Variants in EML4 observed in about 807,000 individuals in gnomAD.
EML4 encodes EMAP like 4.
In EML4, 72 loss-of-function variants were observed where a neutral mutation model predicts 129.0. The ratio of observed to expected loss-of-function variants is 0.56; its 90% CI spans 0.46 to 0.68. The LOEUF (loss-of-function observed/expected upper bound fraction) is 0.68, where lower values mean the gene tolerates loss of function less well. EML4 is among the 30% of genes least tolerant of loss of function. The pLI is 0.00. For synonymous variants in EML4, 532 were observed against 405.0 expected (o/e 1.31, Z -3.77); for missense variants, 1,363 against 1,190.6 (o/e 1.14, Z -2.13).
chr2:42,258,755 C>G (rs907072476), intron 3 of EML4, among the ~76,000 whole-genome samples: 18 of 152,112 alleles, frequency 1.2e-4, no homozygotes, highest in African/African-American at 4.3e-4. Flanking sequence ...AGTAGATAGT[C>G]AAGGGCCAGT....
At chr2:42,228,437 T>C (rs190304876) in intron 1 of EML4, among the ~76,000 whole-genome samples, 1 of 152,340 alleles carries the variant, frequency 6.6e-6, no homozygotes, top group Non-Finnish European at 1.5e-5. Context: ...CCTTCTTTTT[T>C]ATTTGAAATA....
At chr2:42,304,402 G>A (rs748561611) in intron 16 of EML4, 82 bp from the exon 17 acceptor site, 9 of 941,512 alleles carry the variant, frequency 9.6e-6, no homozygotes, top group Non-Finnish European at 1.6e-5. Context: ...AATGAAACAG[G>A]TTATTTTCAG....
intron 1 of EML4, among the ~76,000 whole-genome samples, chr2:42,185,368 C>T (rs533532152): frequency 6.6e-6 from 1 of 152,298 alleles, no homozygotes; most frequent in South Asian, 2.1e-4. Flanking sequence ...TTGTCTGTAA[C>T]TGCTGTCACA....
intron 5 of EML4, among the ~76,000 whole-genome samples, chr2:42,263,605 A>G (rs1209666393): frequency 6.6e-6 from 1 of 150,610 alleles, no homozygotes; most frequent in African/African-American, 2.4e-5. Flanking sequence ...GGGTTTCACC[A>G]TGTTGGCCAG....
At chr2:42,253,824 T>G (rs141217243) in intron 2 of EML4, among the ~76,000 whole-genome samples, 1 of 152,186 alleles carries the variant, frequency 6.6e-6, no homozygotes, top group African/African-American at 2.4e-5. Flanking sequence ...CTAAAACTTA[T>G]GTAAGAAAGA....
chr2:42,225,274 G>T (rs1308649405), intron 1 of EML4, among the ~76,000 whole-genome samples: 1 of 152,082 alleles, frequency 6.6e-6, no homozygotes, highest in African/African-American at 2.4e-5. Context: ...ATATCTGTAA[G>T]TGGAGTTGCT....
rs1452664941 is a variant in EML4 at position 42,284,683 on chromosome 2, G to A, written c.991G>A (p.Gly331Ser). ...TAGGATTGCAACTGGACAGATAGCT[G>A]GCGTGGATAAAGATGGAAGGGTGAG... Reference protein sequence around the residue: ...KIRIATGQIAGVDKDGRPLQP... With the variant: ...KIRIATGQIASVDKDGRPLQP... Residue 331 changes from glycine (G) to serine (S), a missense_variant, in exon 9 of 23, where the codon GGC becomes AGC. Physicochemically the swap from Gly to Ser is moderately conservative, Grantham distance 56. Transcript: ENST00000318522. The A allele has an allele frequency of 6.2e-7, 1 of 1,612,354 alleles. No homozygotes were observed. Among genetic ancestry groups the A allele is most frequent in the Non-Finnish European group, 8.5e-7 (1 of 1,179,210 alleles).
chr2:42,273,149 T>C (rs1666466364), intron 6 of EML4, among the ~76,000 whole-genome samples: 1 of 152,154 alleles, frequency 6.6e-6, no homozygotes, highest in South Asian at 2.1e-4. Context: ...ATGAAAAGCT[T>C]TTTCATTTAT....
At chr2:42,195,486 C>T (rs1363845226) in intron 1 of EML4, among the ~76,000 whole-genome samples, 2 of 151,438 alleles carry the variant, frequency 1.3e-5, no homozygotes, top group Admixed American at 1.3e-4. Flanking sequence ...CTGTGAAATC[C>T]GTTTGTTAGG....
At chr2:42,262,015 G>T (rs1273817534) in intron 4 of EML4, among the ~76,000 whole-genome samples, 1 of 151,964 alleles carries the variant, frequency 6.6e-6, no homozygotes, top group Non-Finnish European at 1.5e-5. Context: ...AATTAAATTT[G>T]CCTGTTTAGA....
At chr2:42,221,690 G>T (rs1045542158) in intron 1 of EML4, among the ~76,000 whole-genome samples, 1 of 151,750 alleles carries the variant, frequency 6.6e-6, no homozygotes, top group African/African-American at 2.4e-5. Context: ...CACAGCCTCC[G>T]CCTCCTGGGT....
chr2:42,214,528 C>T (rs562894640), intron 1 of EML4, among the ~76,000 whole-genome samples: 1 of 151,978 alleles, frequency 6.6e-6, no homozygotes, highest in South Asian at 2.1e-4. Context: ...TTAATATACC[C>T]TTATTGATCT....
At chr2:42,319,598 T>C (rs1049495368) in intron 19 of EML4, 4 of 152,238 alleles carry the variant, frequency 2.6e-5, no homozygotes, top group African/African-American at 4.8e-5. Flanking sequence ...CTTTTATCTA[T>C]TGTCTGCTGT....
intron 9 of EML4, 126 bp downstream of exon 9, chr2:42,284,829 T>C (rs572564090): frequency 5.3e-6 from 3 of 563,028 alleles, no homozygotes; most frequent in East Asian, 6.5e-5. Flanking sequence ...GAATTTCTAG[T>C]ATAAGCATGG....
rs747832915 is a variant in EML4 at position 42,330,128 on chromosome 2, A to C, written c.2867A>C (p.Glu956Ala). Reference sequence around the variant, plus strand: ...GACCTTGGTGAGCCTCTTTATGAAGAGCCATGCAACGAGATAAGCAAGGAG... The same window carrying C: ...GACCTTGGTGAGCCTCTTTATGAAGCGCCATGCAACGAGATAAGCAAGGAG... ...SGDLGEPLYE[E>A]PCNEISKEQA... Residue 956 changes from glutamate to alanine, a missense_variant, in exon 23 of 23, where the codon GAG (glutamate) becomes GCG (alanine). Coordinates refer to ENST00000318522, the MANE Select transcript of EML4 (RefSeq NM_019063.5). The C allele has an allele frequency of 1.9e-6, 3 of 1,612,168 alleles. No individual in the cohort carries two copies. The highest frequency in any genetic ancestry group is 1.7e-6 in the Non-Finnish European group (2 of 1,179,712).
rs892859718 is a variant in EML4, at chr2:42,330,789, T to G, written c.*582T>G. 1 of 220,960 alleles carries G rather than the reference T, an allele frequency of 4.5e-6. No homozygotes were observed. The highest frequency in any genetic ancestry group is 9.2e-6 in the Non-Finnish European group (1 of 108,876). The allele number at this position is 220,960 out of a possible 1,614,324, so 13.7% of individuals were successfully genotyped here. A position where few individuals can be genotyped will look rare whatever the true frequency, so the allele number is the denominator to read the frequency against. On this transcript the variant is annotated 3_prime_UTR_variant, in exon 23 of 23. Coordinates refer to ENST00000318522, the MANE Select transcript of EML4 (RefSeq NM_019063.5). ...AAATGCCGTTTTCTTACACTACCAG[T>G]GGATGTCCAGACATGCTCTTAGTCT...
chr2:42,330,210 C>T lies in EML4; in HGVS notation c.*3C>T, dbSNP rs769934970. 1 of 1,612,460 alleles carries T rather than the reference C, an allele frequency of 6.2e-7. No individual in the cohort carries two copies. The highest frequency in any genetic ancestry group is 8.5e-7 in the Non-Finnish European group (1 of 1,179,312). On this transcript the variant is annotated 3_prime_UTR_variant, in exon 23 of 23. Coordinates refer to ENST00000318522, the MANE Select transcript of EML4 (RefSeq NM_019063.5). Reference sequence around the variant, plus strand: ...AAGACCCTTCGCCCTCGTCCTAACACCCTGGCTTCAGTGCAACTCTTTTCC... The same window carrying T: ...AAGACCCTTCGCCCTCGTCCTAACATCCTGGCTTCAGTGCAACTCTTTTCC...
Position 42,263,281 on chromosome 2 carries a change from C to G in EML4, c.616C>G (p.Pro206Ala), listed in dbSNP as rs1159172472. 1.2e-6 allele frequency: 2 copies of G among 1,611,626 alleles called. No homozygotes were observed. Among genetic ancestry groups the G allele is most frequent in the Non-Finnish European group, 1.7e-6 (2 of 1,179,306 alleles). Residue 206 changes from proline to alanine, a missense_variant, in exon 5 of 23, where the codon CCA becomes GCA. By Grantham distance (27) the Pro-to-Ala change is conservative. Coordinates refer to ENST00000318522, the MANE Select transcript of EML4 (RefSeq NM_019063.5). Reference sequence around the variant, plus strand: ...AATACCTTCAACACCCAAATTAATACCAAAAGTTACCAAAACTGCAGACAA... The same window carrying G: ...AATACCTTCAACACCCAAATTAATAGCAAAAGTTACCAAAACTGCAGACAA... ...SKIPSTPKLI[P>A]KVTKTADKHK...
intron 18 of EML4, 46 bp downstream of exon 18, chr2:42,316,096 T>C (rs779168866): frequency 6.3e-6 from 8 of 1,268,436 alleles, no homozygotes; most frequent in Non-Finnish European, 9.2e-6. Flanking sequence ...TTCACAGCAC[T>C]TCACTGCAAT....
Sources: gnomAD v4.1 joint callset for allele counts (sites outside exome capture counted in the v4.1 genomes callset) on GRCh38, gnomAD v4.1.1 for gene constraint, MANE v1.5 for transcripts, NCBI Gene and HGNC (gene_info 2026-07-23, HGNC 2026-07-21) for gene names.